AOPEP: variants seen among roughly 807,000 people sequenced by gnomAD.
AOPEP encodes the protein aminopeptidase O.
AOPEP carries 77 observed loss-of-function variants against 98.1 expected under a neutral mutation model. That is an observed-to-expected ratio of 0.78 (90% CI 0.65 to 0.95). The LOEUF is 0.95. Ranked by LOEUF, AOPEP falls within the 40% of genes least tolerant of loss-of-function variation. The pLI, the probability that AOPEP is intolerant of heterozygous loss-of-function variation, is 0.00. For missense variants in AOPEP, 1,024 were observed against 1,024.7 expected (o/e 1.00, Z 0.01); for synonymous variants, 346 against 365.3 (o/e 0.95, Z 0.60).
chr9:94,866,429 G>A lies in AOPEP; in HGVS notation c.1365-57557G>A, dbSNP rs559219789. On this transcript the variant is annotated intron_variant, in intron 5 of 16. Coordinates refer to ENST00000375315, the MANE Select transcript of AOPEP (RefSeq NM_001193329.3). ...ACTCCTCTCTGATGATTCTACCCAGGCCTCCTGGCATTTGGAAACCAAACT... is the reference window on the plus strand; with the variant it reads ...ACTCCTCTCTGATGATTCTACCCAGACCTCCTGGCATTTGGAAACCAAACT... Among the ~76,000 whole-genome samples, 88 of 152,192 alleles carry A rather than the reference G, an allele frequency of 5.8e-4. 2 individuals are homozygous for A. In the South Asian group the frequency reaches 0.013, roughly 23 times the overall value.
chr9:94,962,808 C>T (rs1472676327), intron 9 of AOPEP, among the ~76,000 whole-genome samples: 1 of 149,892 alleles, frequency 6.7e-6, no homozygotes, highest in Non-Finnish European at 1.5e-5. Flanking sequence ...TCTCGGCTCA[C>T]TGCAAGCTCT....
intron 5 of AOPEP, among the ~76,000 whole-genome samples, chr9:94,862,309 G>A (rs1033173275): frequency 5.3e-5 from 8 of 152,200 alleles, no homozygotes; most frequent in Admixed American, 4.6e-4. Context: ...GCTCAGGGAT[G>A]TCTGAGCAAT....
At chr9:94,921,665 T>A (rs16911834) in intron 5 of AOPEP, among the ~76,000 whole-genome samples, 13,244 of 152,214 alleles carry the variant, frequency 0.087, 1,136 homozygotes, top group African/African-American at 0.22. Flanking sequence ...GTTTAGTTTT[T>A]AAAAGAAGCC....
intron 11 of AOPEP, among the ~76,000 whole-genome samples, chr9:94,996,868 T>C (rs2061278933): frequency 6.6e-6 from 1 of 152,152 alleles, no homozygotes; most frequent in Non-Finnish European, 1.5e-5. Context: ...ATGGGTTGCT[T>C]CCTGAATGGA....
the AOPEP span, among the ~76,000 whole-genome samples, chr9:95,112,153 A>G: frequency 1.3e-5 from 2 of 152,250 alleles, no homozygotes; most frequent in African/African-American, 4.8e-5. Context: ...TTGTGAAGCT[A>G]TCCCCTCGCC....
At chr9:94,851,930 T>C (rs1380813587) in intron 5 of AOPEP, among the ~76,000 whole-genome samples, 3 of 151,462 alleles carry the variant, frequency 2.0e-5, no homozygotes, top group Non-Finnish European at 4.4e-5. Context: ...TGCAGTCAAG[T>C]TGGGAAGAGA....
At chr9:94,785,944 G>T (rs1588201544) in intron 3 of AOPEP, among the ~76,000 whole-genome samples, 2 of 152,154 alleles carry the variant, frequency 1.3e-5, no homozygotes, top group Admixed American at 6.5e-5. Context: ...TAAATGGATC[G>T]CTTTGTGTGG....
At chr9:95,112,086 G>A in the AOPEP span, among the ~76,000 whole-genome samples, 3 of 152,220 alleles carry the variant, frequency 2.0e-5, no homozygotes, top group Admixed American at 2.0e-4. Flanking sequence ...CAGCAACTAC[G>A]AATTTTTAAT....
intron 3 of AOPEP, among the ~76,000 whole-genome samples, chr9:94,792,370 T>C (rs1845914215): frequency 6.6e-6 from 1 of 152,218 alleles, no homozygotes; most frequent in African/African-American, 2.4e-5. Flanking sequence ...TGCTCACTCT[T>C]TCACTCATTC....
chr9:94,942,348 C>T (rs140686767), intron 7 of AOPEP, among the ~76,000 whole-genome samples: 195 of 152,146 alleles, frequency 1.3e-3, no homozygotes, highest in South Asian at 8.3e-3. Context: ...TTTTTCCTAC[C>T]ATTTAGTTTG....
intron 13 of AOPEP, among the ~76,000 whole-genome samples, chr9:95,028,806 A>G (rs1037662431): frequency 2.0e-5 from 3 of 152,106 alleles, no homozygotes; most frequent in Non-Finnish European, 2.9e-5. Context: ...ATGCTTTATA[A>G]CTCACTTTTC....
chr9:94,738,041 T>C (rs1481512571), intron 1 of AOPEP, among the ~76,000 whole-genome samples: 1 of 152,206 alleles, frequency 6.6e-6, no homozygotes, highest in Non-Finnish European at 1.5e-5. Flanking sequence ...TTAACTTCTC[T>C]GGGCCTCAGT....
chr9:95,053,644 A>G (rs543696992), intron 13 of AOPEP, among the ~76,000 whole-genome samples: 1 of 152,346 alleles, frequency 6.6e-6, no homozygotes, highest in East Asian at 1.9e-4. Context: ...CTCTCCTTCA[A>G]GATAAATACA....
the AOPEP span, among the ~76,000 whole-genome samples, chr9:95,130,303 A>T: frequency 4.3e-4 from 63 of 145,836 alleles, no homozygotes; most frequent in Middle Eastern, 3.5e-3. Flanking sequence ...TGTGTGTGAG[A>T]GAGAGAGAGA....
chr9:95,110,527 G>T, the AOPEP span: 1 of 1,030,672 alleles, frequency 9.7e-7, no homozygotes, highest in Non-Finnish European at 1.2e-6. Context: ...TTTTCACAAA[G>T]CTTTATTTCT....
chr9:95,039,295 G>A (rs941346347), intron 13 of AOPEP, among the ~76,000 whole-genome samples: 14 of 152,114 alleles, frequency 9.2e-5, no homozygotes, highest in Admixed American at 6.5e-4. Context: ...GGCCAGGTGC[G>A]GTGGCTCATG....
the AOPEP span, among the ~76,000 whole-genome samples, chr9:95,146,759 C>T: frequency 6.6e-6 from 1 of 151,768 alleles, no homozygotes; most frequent in African/African-American, 2.4e-5. Flanking sequence ...GTCATGACTA[C>T]AGCAGTAGTC....
At chr9:95,114,643 T>TTC in the AOPEP span, 1 of 1,614,090 alleles carries the variant, frequency 6.2e-7, no homozygotes, top group Non-Finnish European at 8.5e-7. Flanking sequence ...GAGTCTGGTC[T>TTC]TCAACTGCTT....
intron 5 of AOPEP, among the ~76,000 whole-genome samples, chr9:94,850,666 A>G (rs1381550045): frequency 3.3e-5 from 5 of 152,264 alleles, no homozygotes; most frequent in East Asian, 1.9e-4. Flanking sequence ...GGCAAACGCT[A>G]TTGGTTGCCT....
Sources: allele counts gnomAD v4.1 joint callset (sites outside exome capture counted in the v4.1 genomes callset), GRCh38; gene constraint gnomAD v4.1.1; transcripts MANE v1.5; gene names NCBI Gene and HGNC (gene_info 2026-07-23, HGNC 2026-07-21).